PACSIN2: variants seen among roughly 807,000 people sequenced by gnomAD.
PACSIN2 encodes the protein protein kinase C and casein kinase substrate in neurons protein 2.
A neutral mutation model predicts 63.8 loss-of-function variants in PACSIN2; 25 were observed. The observed-to-expected ratio is 0.39, with a 90% CI of 0.29 to 0.55. PACSIN2 has a LOEUF of 0.55. Among genes scored for constraint, PACSIN2 ranks in the 20% least tolerant of loss-of-function variants. PACSIN2 has a pLI of 0.62. For synonymous variants in PACSIN2, 255 were observed against 256.2 expected, an observed-to-expected ratio of 1.00 and a Z score of 0.05; for missense variants, 518 against 646.9, an observed-to-expected ratio of 0.80 and a Z score of 2.16.
Position 42,870,889 on chromosome 22 carries a change from G to C in PACSIN2, c.*468C>G, listed in dbSNP as rs562265931. On this transcript the variant is annotated 3_prime_UTR_variant, in exon 11 of 11. Coordinates refer to ENST00000263246, the MANE Select transcript of PACSIN2 (RefSeq NM_001184970.3). Reference sequence around the variant, plus strand: ...ATCAATCTGTGCCATAATTTAAGTAGAAATGAACAGGTGTATAAAAAAGTA... The same window carrying C: ...ATCAATCTGTGCCATAATTTAAGTACAAATGAACAGGTGTATAAAAAAGTA... 1.8e-5 allele frequency: 3 copies of C among 167,654 alleles called. No individual in the cohort carries two copies. Among genetic ancestry groups the C allele is most frequent in the African/African-American group, 7.1e-5 (3 of 42,170 alleles). 10.4% of individuals were successfully genotyped at this position (167,654 alleles called of 1,614,324 possible).
intron 1 of PACSIN2, among the ~76,000 whole-genome samples, chr22:43,010,240 T>C (rs899043531): frequency 6.6e-6 from 1 of 151,734 alleles, no homozygotes; most frequent in Non-Finnish European, 1.5e-5. Context: ...CAAATGATTT[T>C]TTTAGGATTG....
At chr22:42,912,703 G>C (rs1341378360) in intron 1 of PACSIN2, among the ~76,000 whole-genome samples, 1 of 152,236 alleles carries the variant, frequency 6.6e-6, no homozygotes, top group Non-Finnish European at 1.5e-5. Flanking sequence ...CAAGGGTAAA[G>C]GCGGCAATTA....
At chr22:42,967,732 C>G (rs1569334834) in intron 1 of PACSIN2, among the ~76,000 whole-genome samples, 1 of 151,952 alleles carries the variant, frequency 6.6e-6, no homozygotes, top group Non-Finnish European at 1.5e-5. Context: ...ACTAAAAATA[C>G]AAAAAATTAG....
At chr22:42,960,710 G>A (rs1934102534) in intron 1 of PACSIN2, among the ~76,000 whole-genome samples, 1 of 152,204 alleles carries the variant, frequency 6.6e-6, no homozygotes, top group Non-Finnish European at 1.5e-5. Context: ...GGAAGAGAAA[G>A]AGGAGGCAGG....
intron 2 of PACSIN2, among the ~76,000 whole-genome samples, chr22:42,907,011 C>T (rs5759022): frequency 0.17 from 26,504 of 152,138 alleles, 3,677 homozygotes; most frequent in East Asian, 0.55. Context: ...CAAGCCCGCC[C>T]GGAGCAGTCA....
At chr22:42,938,762 T>C (rs2267478) in intron 1 of PACSIN2, among the ~76,000 whole-genome samples, 1,747 of 152,286 alleles carry the variant, frequency 0.011, 65 homozygotes, top group Admixed American at 0.082. Flanking sequence ...TTCACCCTTT[T>C]TATCTAACCC....
chr22:42,942,515 T>A (rs1933217445), intron 1 of PACSIN2, among the ~76,000 whole-genome samples: 2 of 152,218 alleles, frequency 1.3e-5, no homozygotes, highest in Admixed American at 1.3e-4. Flanking sequence ...AACGTTTTTT[T>A]AATTAAAAAA....
At chr22:42,873,798 C>CTTTTT (rs11386127) in intron 10 of PACSIN2, among the ~76,000 whole-genome samples, 5 of 145,682 alleles carry the variant, frequency 3.4e-5, no homozygotes, top group African/African-American at 1.3e-4. Context: ...ATTTTCTTTC[C>CTTTTT]TTTTTTTTTT....
intron 1 of PACSIN2, among the ~76,000 whole-genome samples, chr22:42,967,260 T>C (rs1920971805): frequency 6.6e-6 from 1 of 152,138 alleles, no homozygotes; most frequent in African/African-American, 2.4e-5. Context: ...CTCCCCTCTT[T>C]GGCTGGGGCT....
chr22:42,920,562 GCCTGCTGA>G (rs1569272759), intron 1 of PACSIN2, among the ~76,000 whole-genome samples: 1 of 152,078 alleles, frequency 6.6e-6, no homozygotes, highest in African/African-American at 2.4e-5. Flanking sequence ...CCTCCCAAAG[GCCTGCTGA>G]ATTAAGAGGT....
intron 1 of PACSIN2, among the ~76,000 whole-genome samples, chr22:42,917,634 A>C (rs1931898917): frequency 1.3e-5 from 2 of 151,902 alleles, no homozygotes; most frequent in Admixed American, 1.3e-4. Flanking sequence ...AACCAAACAA[A>C]AAAAAAAGTG....
chr22:42,948,145 G>C (rs1331610835), intron 1 of PACSIN2, among the ~76,000 whole-genome samples: 1 of 152,210 alleles, frequency 6.6e-6, no homozygotes, highest in African/African-American at 2.4e-5. Context: ...AGGGGAGTTA[G>C]AAACCAGCCC....
At chr22:43,013,412 C>T (rs1261108053) in intron 1 of PACSIN2, among the ~76,000 whole-genome samples, 1 of 152,222 alleles carries the variant, frequency 6.6e-6, no homozygotes. Flanking sequence ...ACCAAAGAGG[C>T]TACCAAACTC....
intron 1 of PACSIN2, among the ~76,000 whole-genome samples, chr22:42,913,377 G>A (rs926273966): frequency 2.0e-4 from 31 of 151,980 alleles, no homozygotes; most frequent in African/African-American, 7.2e-4. Context: ...TACTCAGGAG[G>A]CTGAGGCAGG....
At chr22:42,900,422 A>ATG (rs1930601196) in intron 2 of PACSIN2, among the ~76,000 whole-genome samples, 1 of 152,094 alleles carries the variant, frequency 6.6e-6, no homozygotes, top group African/African-American at 2.4e-5. Flanking sequence ...ACCCCACTTA[A>ATG]TCTTGTGAGA....
At chr22:43,014,367 A>ACCACCC (rs1924727897) in intron 1 of PACSIN2, among the ~76,000 whole-genome samples, 6 of 9,488 alleles carry the variant, frequency 6.3e-4, no homozygotes, top group Non-Finnish European at 1.2e-3. Context: ...CACACACACC[A>ACCACCC]CCCCCCCCCC....
At chr22:42,881,974 G>C (rs1929108714) in intron 7 of PACSIN2, among the ~76,000 whole-genome samples, 1 of 152,256 alleles carries the variant, frequency 6.6e-6, no homozygotes, top group African/African-American at 2.4e-5. Flanking sequence ...CGCGACTTCA[G>C]GAGAGGTTCA....
At chr22:42,873,733 T>A (rs1202680586) in intron 10 of PACSIN2, among the ~76,000 whole-genome samples, 2 of 151,970 alleles carry the variant, frequency 1.3e-5, no homozygotes, top group Non-Finnish European at 2.9e-5. Flanking sequence ...TCTGGGTTGC[T>A]GTGGGTCCAC....
At chr22:42,977,032 T>C (rs1921753185) in intron 1 of PACSIN2, among the ~76,000 whole-genome samples, 1 of 152,248 alleles carries the variant, frequency 6.6e-6, no homozygotes, top group African/African-American at 2.4e-5. Flanking sequence ...ATTCAAATTA[T>C]TATTTGATTT....
Sources: gnomAD v4.1 joint callset for allele counts (sites outside exome capture counted in the v4.1 genomes callset) on GRCh38, gnomAD v4.1.1 for gene constraint, MANE v1.5 for transcripts, NCBI Gene and HGNC (gene_info 2026-07-23, HGNC 2026-07-21) for gene names.